Variants in PRKN observed in about 807,000 individuals in gnomAD.
PRKN encodes the protein parkin RBR E3 ubiquitin protein ligase.
PRKN carries 56 observed loss-of-function variants against 59.5 expected under a neutral mutation model. The observed-to-expected ratio is 0.94, with a 90% CI of 0.76 to 1.18. PRKN has a LOEUF of 1.18. PRKN is among the 50% of genes most tolerant of loss of function. PRKN has a pLI of 0.00. For synonymous variants in PRKN, 250 were observed against 222.1 expected, an observed-to-expected ratio of 1.13 and a Z score of -1.12; for missense variants, 657 against 596.4, an observed-to-expected ratio of 1.10 and a Z score of -1.06.
chr6:162,248,529 G>C (rs1779293931), intron 3 of PRKN, among the ~76,000 whole-genome samples: 2 of 152,238 alleles, frequency 1.3e-5, no homozygotes, highest in South Asian at 4.1e-4. Flanking sequence ...TCTCAGAAAG[G>C]AGTGTGCCAG....
Position 162,443,443 on chromosome 6 carries a change from A to C in PRKN, c.38T>G (p.Phe13Cys). ...VFVRFNSSHG[F>C]PVEVDSDTSI... ...GGTGTCAGAATCGACCTCCACTGGG[A>C]AACCATGGCTGGAGTTGAACCTGAC... Residue 13 changes from phenylalanine to cysteine, a missense_variant, in exon 2 of 12, where the codon TTC (phenylalanine) becomes TGC (cysteine). Physicochemically the swap from Phe to Cys is radical, Grantham distance 205. Transcript: ENST00000366898. The C allele has an allele frequency of 6.2e-7, 1 of 1,614,166 alleles. No individual in the cohort carries two copies. The highest frequency in any genetic ancestry group is 8.5e-7 in the Non-Finnish European group (1 of 1,180,010).
chr6:161,534,108 C>T (rs1779323247), intron 9 of PRKN, among the ~76,000 whole-genome samples: 1 of 152,068 alleles, frequency 6.6e-6, no homozygotes, highest in Non-Finnish European at 1.5e-5. Flanking sequence ...GAATCCTTAA[C>T]CCACAGGGCC....
chr6:161,541,239 T>C lies in PRKN; in HGVS notation c.1083+7615A>G, dbSNP rs1779604156. Among the ~76,000 whole-genome samples, 4 of 152,320 alleles carry C rather than the reference T, an allele frequency of 2.6e-5. No homozygotes were observed. In the South Asian group the frequency reaches 6.2e-4, roughly 24 times the overall value. On this transcript the variant is annotated intron_variant, in intron 9 of 11. Transcript: ENST00000366898. ...AGTGCTTGGAATGTGGTTACTGTGATTGAGGAACTGACTTTTTAATTATAT... is the reference window on the plus strand; with the variant it reads ...AGTGCTTGGAATGTGGTTACTGTGACTGAGGAACTGACTTTTTAATTATAT...
intron 6 of PRKN, among the ~76,000 whole-genome samples, chr6:161,842,782 T>A (rs948889455): frequency 2.6e-5 from 4 of 152,114 alleles, no homozygotes; most frequent in African/African-American, 9.7e-5. Context: ...ACTCCTGACC[T>A]CGTGATCTGC....
intron 1 of PRKN, among the ~76,000 whole-genome samples, chr6:162,452,229 C>T (rs1489037261): frequency 6.6e-6 from 1 of 152,136 alleles, no homozygotes; most frequent in Non-Finnish European, 1.5e-5. Flanking sequence ...CACAAGCAGA[C>T]TCATATCACA....
rs1382123677 is a variant in PRKN at position 161,579,071 on chromosome 6, C to T, written c.872-9655G>A. Among the ~76,000 whole-genome samples the T allele has an allele frequency of 6.6e-6, 1 of 152,170 alleles. No individual in the cohort carries two copies. The highest frequency in any genetic ancestry group is 2.4e-5 in the African/African-American group (1 of 41,438). On this transcript the variant is annotated intron_variant, in intron 7 of 11. Transcript: ENST00000366898. This position sits in a 1 kb window ranked among gnomAD's most constrained non-coding sequence, Gnocchi z 4.2. ...GAGGCTCTCAGAGTGAAAAGGGATC[C>T]TTATCCATTATTTTCTTTCTCCTGC...
chr6:161,917,024 G>C (rs895130096), intron 6 of PRKN, among the ~76,000 whole-genome samples: 1 of 151,752 alleles, frequency 6.6e-6, no homozygotes, highest in African/African-American at 2.4e-5. Flanking sequence ...GGATGGTCTT[G>C]ATCTCCTGAC....
intron 6 of PRKN, among the ~76,000 whole-genome samples, chr6:161,824,895 T>G (rs1792178338): frequency 6.6e-6 from 1 of 152,220 alleles, no homozygotes; most frequent in Non-Finnish European, 1.5e-5. Context: ...ATTGATGAGT[T>G]TTGTCAATTG....
chr6:162,576,866 G>T (rs550636664), intron 1 of PRKN, among the ~76,000 whole-genome samples: 2 of 147,232 alleles, frequency 1.4e-5, no homozygotes, highest in Non-Finnish European at 3.0e-5. Flanking sequence ...AATAAAAGAC[G>T]AATTGAGAGC....
chr6:161,844,567 A>G (rs1212882118), intron 6 of PRKN, among the ~76,000 whole-genome samples: 1 of 152,208 alleles, frequency 6.6e-6, no homozygotes, highest in African/African-American at 2.4e-5. Context: ...CAACTGAGGA[A>G]CTGAGTTTTT....
intron 2 of PRKN, among the ~76,000 whole-genome samples, chr6:162,440,117 A>AT (rs1292593153): frequency 1.4e-5 from 2 of 143,434 alleles, no homozygotes; most frequent in African/African-American, 2.8e-5. Context: ...CAATGTCTAT[A>AT]TTTTTTCCAT....
chr6:162,433,554 C>T lies in PRKN; in HGVS notation c.171+9756G>A, dbSNP rs183271239. ...GCTCCTACAAGAACAGCATGTATCTCAATGTTCCTCAAAATGAGAATTGAC... is the reference window on the plus strand; with the variant it reads ...GCTCCTACAAGAACAGCATGTATCTTAATGTTCCTCAAAATGAGAATTGAC... On this transcript the variant is annotated intron_variant, in intron 2 of 11. Transcript: ENST00000366898. 2.3e-5 allele frequency among the ~76,000 whole-genome samples: 3 copies of T among 130,146 alleles called. No homozygotes were observed. The East Asian group carries it at 6.3e-4, about 27-fold the overall frequency. 85.4% of individuals were successfully genotyped at this position (130,146 alleles called of 152,430 possible).
At chr6:162,401,483 A>G (rs1027197079) in intron 2 of PRKN, among the ~76,000 whole-genome samples, 1 of 152,314 alleles carries the variant, frequency 6.6e-6, no homozygotes, top group Admixed American at 6.5e-5. Context: ...ACAGCTGGGC[A>G]AAATCATCTA....
rs770364344 is a variant in PRKN at position 162,237,068 on chromosome 6, C to G, written c.412+25457G>C. On this transcript the variant is annotated intron_variant, in intron 3 of 11. Coordinates refer to ENST00000366898, the MANE Select transcript of PRKN (RefSeq NM_004562.3). Reference sequence around the variant, plus strand: ...CCCATCCCTAAGCCCCTGCAATAATCCTTTCTAATAACGTCTACTCTTACT... The same window carrying G: ...CCCATCCCTAAGCCCCTGCAATAATGCTTTCTAATAACGTCTACTCTTACT... Among the ~76,000 whole-genome samples, 4 of 152,154 alleles carry G rather than the reference C, an allele frequency of 2.6e-5. No homozygotes were observed. In the East Asian group the frequency reaches 7.7e-4, roughly 29 times the overall value.
At chr6:161,670,116 A>T (rs1784856149) in intron 7 of PRKN, among the ~76,000 whole-genome samples, 1 of 151,990 alleles carries the variant, frequency 6.6e-6, no homozygotes, top group African/African-American at 2.4e-5. Flanking sequence ...TCTGTTTTGA[A>T]GCCCTGGGTG....
At chr6:162,706,243 TTAGAAA>T (rs1160501871) in intron 1 of PRKN, among the ~76,000 whole-genome samples, 1 of 152,104 alleles carries the variant, frequency 6.6e-6, no homozygotes, top group Non-Finnish European at 1.5e-5. Flanking sequence ...TTTTCCTCTA[TTAGAAA>T]TAGAAGAAAC....
intron 7 of PRKN, among the ~76,000 whole-genome samples, chr6:161,714,911 T>C (rs534113126): frequency 6.6e-6 from 1 of 152,280 alleles, no homozygotes; most frequent in East Asian, 1.9e-4. Flanking sequence ...GATTGGAATA[T>C]CCCCACAATA....
chr6:161,653,009 C>G (rs528603434), intron 7 of PRKN, among the ~76,000 whole-genome samples: 2 of 152,170 alleles, frequency 1.3e-5, no homozygotes, highest in Non-Finnish European at 2.9e-5. Flanking sequence ...CTTGCTTCAT[C>G]GGAATCAATG....
intron 1 of PRKN, among the ~76,000 whole-genome samples, chr6:162,550,064 CTAA>C (rs371533764): frequency 1.1e-3 from 162 of 152,226 alleles, no homozygotes; most frequent in African/African-American, 3.5e-3. Context: ...TTGGTGGTTC[CTAA>C]TAATATCACC....
Sources: allele counts gnomAD v4.1 joint callset (sites outside exome capture counted in the v4.1 genomes callset), GRCh38; gene constraint gnomAD v4.1.1; non-coding constraint Gnocchi (gnomAD v3.1); transcripts MANE v1.5; gene names NCBI Gene and HGNC (gene_info 2026-07-23, HGNC 2026-07-21).